The following EIF3H variants were observed in gnomAD, a reference collection of about 807,000 sequenced individuals.
EIF3H encodes eukaryotic translation initiation factor 3 subunit H.
Under a neutral mutation model 44.2 loss-of-function variants are expected in EIF3H, and 26 were observed. The ratio of observed to expected loss-of-function variants is 0.59; its 90% CI spans 0.43 to 0.82. The LOEUF (loss-of-function observed/expected upper bound fraction) is 0.82, where lower values mean the gene tolerates loss of function less well. Ranked by LOEUF, EIF3H falls within the 40% of genes least tolerant of loss-of-function variation. The pLI is 0.00. For synonymous variants in EIF3H, 166 were observed against 151.9 expected (o/e 1.09, Z -0.68); for missense variants, 359 against 432.8 (o/e 0.83, Z 1.51).
At chr8:116,653,348 A>AACACACACACACACAC (rs771922316) in intron 5 of EIF3H, among the ~76,000 whole-genome samples, 3,650 of 144,616 alleles carry the variant, frequency 0.025, 86 homozygotes, top group African/African-American at 0.05. Flanking sequence ...AACAATCAGA[A>AACACACACACACACAC]ACACACACAC....
chr8:116,663,950 GAC>G (rs1018437874), intron 2 of EIF3H, among the ~76,000 whole-genome samples: 1 of 128,872 alleles, frequency 7.8e-6, no homozygotes, highest in Admixed American at 7.9e-5. Flanking sequence ...AAAAAAAAAA[GAC>G]AAACTGGTCG....
chr8:116,727,004 C>T (rs1586479563), intron 1 of EIF3H, among the ~76,000 whole-genome samples: 1 of 152,258 alleles, frequency 6.6e-6, no homozygotes, highest in Middle Eastern at 3.4e-3. Context: ...AAAGGCAACA[C>T]ATTCAAAATT....
intron 2 of EIF3H, among the ~76,000 whole-genome samples, chr8:116,720,891 T>C (rs1389536545): frequency 6.6e-6 from 1 of 152,082 alleles, no homozygotes; most frequent in East Asian, 1.9e-4. Flanking sequence ...GTGACTTGGG[T>C]GCTGTTAAAA....
chr8:116,650,011 T>G (rs1209125479), intron 5 of EIF3H, among the ~76,000 whole-genome samples: 3 of 152,164 alleles, frequency 2.0e-5, no homozygotes, highest in African/African-American at 7.2e-5. Flanking sequence ...AGGGATTAGG[T>G]CAGGCAGACC....
At chr8:116,739,639 G>C (rs928077811) in intron 1 of EIF3H, among the ~76,000 whole-genome samples, 6 of 152,214 alleles carry the variant, frequency 3.9e-5, no homozygotes, top group Non-Finnish European at 5.9e-5. Flanking sequence ...AACAGAGCGA[G>C]ACTCCGTCTC....
At chr8:116,766,347 C>T (rs181937835), upstream of EIF3H, 14 of 410,116 alleles carry the variant, frequency 3.4e-5, no homozygotes, top group South Asian at 6.1e-4. Flanking sequence ...CGGAATCGCG[C>T]ACCCCAGCGG....
At position 116,729,067 on chromosome 8, in the gene EIF3H, A is replaced by T. The variant is rs568146044; in HGVS notation, c.133-2895T>A. ...CAAGACGGGATAAACTAAACTGATA[A>T]AGAGTTATTACAAACACAACTACCA... On this transcript the variant is annotated intron_variant, in intron 1 of 7. Coordinates refer to ENST00000521861, the MANE Select transcript of EIF3H (RefSeq NM_003756.3). 1.4e-3 allele frequency among the ~76,000 whole-genome samples: 214 copies of T among 152,320 alleles called. 1 individual carries two copies. The highest frequency in any genetic ancestry group is 6.8e-3 in the Middle Eastern group (2 of 294).
intron 1 of EIF3H, among the ~76,000 whole-genome samples, chr8:116,751,801 A>G (rs1003530636): frequency 1.3e-5 from 2 of 152,226 alleles, no homozygotes; most frequent in Non-Finnish European, 2.9e-5. Flanking sequence ...TGTCCCAGAC[A>G]TTGTTCTAGT....
intron 1 of EIF3H, among the ~76,000 whole-genome samples, chr8:116,731,108 TCTC>T (rs796807813): frequency 3.3e-5 from 5 of 152,192 alleles, no homozygotes; most frequent in African/African-American, 1.2e-4. Context: ...ACAAAAACAC[TCTC>T]CTGTTATATT....
At chr8:116,715,693 ATC>A (rs1325167505) in intron 2 of EIF3H, among the ~76,000 whole-genome samples, 1 of 152,122 alleles carries the variant, frequency 6.6e-6, no homozygotes, top group Non-Finnish European at 1.5e-5. Flanking sequence ...GAGTTATTGA[ATC>A]TGTGTTTAAT....
At chr8:116,682,137 C>T (rs1207632128) in intron 2 of EIF3H, among the ~76,000 whole-genome samples, 1 of 152,154 alleles carries the variant, frequency 6.6e-6, no homozygotes, top group Admixed American at 6.5e-5. Context: ...CTCAAAGGAT[C>T]AGGCCACTCT....
At chr8:116,728,760 G>A (rs1475335347) in intron 1 of EIF3H, among the ~76,000 whole-genome samples, 1 of 152,146 alleles carries the variant, frequency 6.6e-6, no homozygotes, top group Non-Finnish European at 1.5e-5. Context: ...ATGGGTATGA[G>A]TTCCAGCTCC....
intron 2 of EIF3H, among the ~76,000 whole-genome samples, chr8:116,676,460 A>G (rs886933778): frequency 6.6e-6 from 1 of 152,048 alleles, no homozygotes; most frequent in African/African-American, 2.4e-5. Flanking sequence ...CAAAGGGGGG[A>G]AGAGCCTCTT....
intron 2 of EIF3H, among the ~76,000 whole-genome samples, chr8:116,692,968 T>C (rs1378763491): frequency 6.6e-6 from 1 of 152,170 alleles, no homozygotes; most frequent in Non-Finnish European, 1.5e-5. Flanking sequence ...TCTTTCCACT[T>C]GGGAATAAAA....
chr8:116,702,075 T>C (rs1218810428), intron 2 of EIF3H, among the ~76,000 whole-genome samples: 3 of 152,192 alleles, frequency 2.0e-5, no homozygotes, highest in Admixed American at 1.3e-4. Context: ...CTATGAGACA[T>C]GCAGCCAGGG....
intron 1 of EIF3H, among the ~76,000 whole-genome samples, chr8:116,741,077 A>T (rs1815124382): frequency 6.6e-6 from 1 of 152,128 alleles, no homozygotes; most frequent in Non-Finnish European, 1.5e-5. Context: ...AGAATCATCA[A>T]GTCTGATTTC....
At chr8:116,645,415 C>G (rs1813281021) in intron 7 of EIF3H, among the ~76,000 whole-genome samples, 1 of 152,214 alleles carries the variant, frequency 6.6e-6, no homozygotes, top group Non-Finnish European at 1.5e-5. Flanking sequence ...GAAAACAGCG[C>G]TGACTAGCCT....
chr8:116,740,315 T>C (rs1344042027), intron 1 of EIF3H, among the ~76,000 whole-genome samples: 1 of 152,180 alleles, frequency 6.6e-6, no homozygotes, highest in African/African-American at 2.4e-5. Flanking sequence ...AGCACTTATG[T>C]AACTGTAAGC....
At chr8:116,668,089 T>C (rs1051918733) in intron 2 of EIF3H, among the ~76,000 whole-genome samples, 3 of 152,212 alleles carry the variant, frequency 2.0e-5, no homozygotes. Flanking sequence ...GAGCCGTCAA[T>C]TGTGACTACT....
Sources: allele counts gnomAD v4.1 joint callset (sites outside exome capture counted in the v4.1 genomes callset), GRCh38; gene constraint gnomAD v4.1.1; transcripts MANE v1.5; gene names NCBI Gene and HGNC (gene_info 2026-07-23, HGNC 2026-07-21).